The following DAAM1 variants were observed in gnomAD, a reference collection of about 807,000 sequenced individuals.
DAAM1 encodes dishevelled associated activator of morphogenesis 1, also known as disheveled-associated activator of morphogenesis 1.
In DAAM1, 52 loss-of-function variants were observed where a neutral mutation model predicts 130.0. That is an observed-to-expected ratio of 0.40 (90% CI 0.32 to 0.50). DAAM1 has a LOEUF of 0.50. Among genes scored for constraint, DAAM1 ranks in the 20% least tolerant of loss-of-function variants. DAAM1 has a pLI of 0.61. For synonymous variants in DAAM1, 452 were observed against 444.5 expected (o/e 1.02, Z -0.21); for missense variants, 1,134 against 1,303.8 (o/e 0.87, Z 2.01).
chr14:59,339,675 T>C (rs1224661738), intron 15 of DAAM1, among the ~76,000 whole-genome samples: 1 of 152,142 alleles, frequency 6.6e-6, no homozygotes, highest in Non-Finnish European at 1.5e-5. Flanking sequence ...GAATGGGCCT[T>C]GCAAGTGGCT....
At position 59,360,843 on chromosome 14, in the gene DAAM1, G is replaced by T. The variant is rs1408682560; in HGVS notation, c.2675G>T (p.Gly892Val). The change falls in exon 22 of 25, where the codon GGC becomes GTC. Residue 892 changes from glycine to valine, a missense_variant. Around this residue, in one of 3 missense-constraint regions of DAAM1, gnomAD observed 644 missense variants for 695.9 expected, o/e 0.93. Coordinates refer to ENST00000360909, the MANE Select transcript of DAAM1 (RefSeq NM_001270520.2). Reference protein sequence around the residue: ...LDKEISTLRSGLKAVETELEY... With the variant: ...LDKEISTLRSVLKAVETELEY... ...AAAGAAATAAGTACCTTGAGAAGTG[G>T]CTTGAAAGCAGTAGAGACAGTGAGT... 1 of 1,613,882 alleles carries T rather than the reference G, an allele frequency of 6.2e-7. No individual in the cohort carries two copies. The highest frequency in any genetic ancestry group is 1.7e-5 in the Admixed American group (1 of 60,012).
At chr14:59,227,071 GT>G (rs1317667041) in intron 1 of DAAM1, among the ~76,000 whole-genome samples, 2 of 152,158 alleles carry the variant, frequency 1.3e-5, no homozygotes, top group African/African-American at 4.8e-5. Context: ...AAAACTGACT[GT>G]TTTGAATTAA....
At chr14:59,253,568 C>A (rs943612870) in intron 1 of DAAM1, among the ~76,000 whole-genome samples, 1 of 152,158 alleles carries the variant, frequency 6.6e-6, no homozygotes, top group South Asian at 2.1e-4. Flanking sequence ...AATTTTGTTT[C>A]TTTATTTTCA....
At chr14:59,259,918 T>A (rs1594784841) in intron 1 of DAAM1, among the ~76,000 whole-genome samples, 1 of 151,864 alleles carries the variant, frequency 6.6e-6, no homozygotes, top group South Asian at 2.1e-4. Context: ...GTGGCGGGCG[T>A]CTATAGTCCC....
intron 1 of DAAM1, among the ~76,000 whole-genome samples, chr14:59,221,811 G>A (rs1042701571): frequency 1.3e-5 from 2 of 152,190 alleles, no homozygotes; most frequent in African/African-American, 2.4e-5. Flanking sequence ...TGGAATTATT[G>A]TTGTGTCTCC....
intron 3 of DAAM1, among the ~76,000 whole-genome samples, chr14:59,306,154 C>G (rs1438961383): frequency 6.6e-6 from 1 of 151,856 alleles, no homozygotes; most frequent in African/African-American, 2.4e-5. Context: ...GCTATACTTG[C>G]AAAGACTTAG....
intron 3 of DAAM1, among the ~76,000 whole-genome samples, chr14:59,313,847 A>G (rs530312233): frequency 2.6e-5 from 4 of 152,350 alleles, no homozygotes; most frequent in East Asian, 3.9e-4. Context: ...TTGTGAAACT[A>G]TGGGAGTGTA....
At chr14:59,298,498 C>G (rs1453049515) in intron 3 of DAAM1, among the ~76,000 whole-genome samples, 5 of 152,160 alleles carry the variant, frequency 3.3e-5, no homozygotes, top group African/African-American at 1.2e-4. Context: ...GTTTTCTGCC[C>G]AGAAACCCAC....
intron 2 of DAAM1, among the ~76,000 whole-genome samples, chr14:59,268,122 C>T (rs751185560): frequency 7.2e-5 from 11 of 151,988 alleles, no homozygotes; most frequent in Non-Finnish European, 1.2e-4. Context: ...AGGCTGGTCT[C>T]GAACTCCTGA....
At chr14:59,238,671 C>T (rs1203458169) in intron 1 of DAAM1, among the ~76,000 whole-genome samples, 1 of 152,184 alleles carries the variant, frequency 6.6e-6, no homozygotes, top group African/African-American at 2.4e-5. Context: ...TAACCCCTGA[C>T]ATGTAGCGGC....
intron 15 of DAAM1, among the ~76,000 whole-genome samples, chr14:59,337,148 T>G (rs1594832883): frequency 1.3e-5 from 2 of 152,230 alleles, no homozygotes; most frequent in Admixed American, 1.3e-4. Context: ...ACTCTCTCTT[T>G]AAGAGAAAAA....
chr14:59,278,665 C>T (rs1883077501), intron 2 of DAAM1, among the ~76,000 whole-genome samples: 1 of 152,110 alleles, frequency 6.6e-6, no homozygotes, highest in South Asian at 2.1e-4. Context: ...TAACATATCA[C>T]TTAATTACAA....
chr14:59,290,005 C>T (rs1238282788), intron 2 of DAAM1, among the ~76,000 whole-genome samples: 2 of 151,894 alleles, frequency 1.3e-5, no homozygotes, highest in African/African-American at 4.8e-5. Flanking sequence ...GGGGTGTTGG[C>T]AGGAATGCTA....
chr14:59,213,856 A>C (rs748445129), intron 1 of DAAM1, among the ~76,000 whole-genome samples: 26 of 152,142 alleles, frequency 1.7e-4, no homozygotes, highest in Non-Finnish European at 2.9e-5. Context: ...TTTGTGACAT[A>C]CTTTGCCTTG....
At chr14:59,281,460 A>C (rs140152228) in intron 2 of DAAM1, among the ~76,000 whole-genome samples, 4 of 152,172 alleles carry the variant, frequency 2.6e-5, no homozygotes, top group Admixed American at 6.5e-5. Flanking sequence ...TACTCTTGTT[A>C]ATTGGACTTC....
chr14:59,269,327 T>C (rs1176884198), intron 2 of DAAM1, among the ~76,000 whole-genome samples: 2 of 152,374 alleles, frequency 1.3e-5, no homozygotes, highest in East Asian at 3.9e-4. Context: ...CTTACTCCTC[T>C]TGGGAACATG....
At chr14:59,353,286 TCAGTGAACCTCAGGGCA>T (rs1886357540) in intron 18 of DAAM1, among the ~76,000 whole-genome samples, 1 of 152,226 alleles carries the variant, frequency 6.6e-6, no homozygotes, top group South Asian at 2.1e-4. Flanking sequence ...CCTGAAACTT[TCAGTGAACCTCAGGGCA>T]CAGTTTTCTC....
intron 1 of DAAM1, among the ~76,000 whole-genome samples, chr14:59,230,214 C>A (rs1177575806): frequency 6.6e-6 from 1 of 152,010 alleles, no homozygotes; most frequent in Non-Finnish European, 1.5e-5. Context: ...CTCCCAGTAG[C>A]CTTTGTTACT....
At chr14:59,265,361 T>C (rs1882385804) in intron 2 of DAAM1, 2 of 152,220 alleles carry the variant, frequency 1.3e-5, no homozygotes, top group Admixed American at 6.5e-5. Context: ...AAGGAATCTC[T>C]TCCTTCTTTG....
Sources: gnomAD v4.1 joint callset for allele counts (sites outside exome capture counted in the v4.1 genomes callset) on GRCh38, gnomAD v4.1.1 for gene constraint, gnomAD v4.1.1 regional missense constraint, MANE v1.5 for transcripts, NCBI Gene and HGNC (gene_info 2026-07-23, HGNC 2026-07-21) for gene names.